The following RPS6KC1 variants were observed in gnomAD, a reference collection of about 807,000 sequenced individuals.
RPS6KC1 encodes inactive ribosomal protein S6 kinase delta-1.
RPS6KC1 carries 54 observed loss-of-function variants against 103.8 expected under a neutral mutation model. The observed-to-expected ratio is 0.52, with a 90% CI of 0.42 to 0.65. The LOEUF (loss-of-function observed/expected upper bound fraction) is 0.65. RPS6KC1 is among the 30% of genes least tolerant of loss of function. RPS6KC1 has a pLI of 0.00. For missense variants in RPS6KC1, 1,151 were observed against 1,253.8 expected (o/e 0.92, Z 1.24); for synonymous variants, 439 against 438.7 (o/e 1.00, Z -0.01).
At chr1:213,196,646 G>A (rs2092958356) in intron 8 of RPS6KC1, among the ~76,000 whole-genome samples, 1 of 152,118 alleles carries the variant, frequency 6.6e-6, no homozygotes, top group Non-Finnish European at 1.5e-5. Flanking sequence ...TGCATCTTGA[G>A]TTGACTTTTG....
chr1:213,798,997 G>A, the RPS6KC1 span, among the ~76,000 whole-genome samples: 26 of 152,276 alleles, frequency 1.7e-4, no homozygotes, highest in East Asian at 4.8e-3. Context: ...ATTCTAATCT[G>A]ACCTCAACTA....
the RPS6KC1 span, among the ~76,000 whole-genome samples, chr1:213,615,690 TG>T: frequency 6.6e-6 from 1 of 152,216 alleles, no homozygotes; most frequent in Non-Finnish European, 1.5e-5. Flanking sequence ...ACGCGCCATC[TG>T]GGGGCCTTGC....
chr1:213,776,831 A>T, the RPS6KC1 span, among the ~76,000 whole-genome samples: 1 of 152,226 alleles, frequency 6.6e-6, no homozygotes, highest in East Asian at 1.9e-4. Flanking sequence ...TAGTGTAGCC[A>T]TCTTCAACAA....
At chr1:213,333,701 C>G in the RPS6KC1 span, among the ~76,000 whole-genome samples, 8 of 152,098 alleles carry the variant, frequency 5.3e-5, no homozygotes, top group African/African-American at 1.9e-4. Context: ...CTGTGTCACC[C>G]AGGCTGGAGT....
rs762868481 is a variant in RPS6KC1 at position 213,176,386 on chromosome 1, A to G, written c.952-14A>G. On this transcript the variant is annotated splice_polypyrimidine_tract_variant and intron_variant, in intron 7 of 14. Coordinates refer to ENST00000366960, the MANE Select transcript of RPS6KC1 (RefSeq NM_012424.6). Reference sequence around the variant, plus strand: ...CTCCCTGATTGATGTATAATCTTTGATATCTTCCATTAGCCTCCAGGATCA... The same window carrying G: ...CTCCCTGATTGATGTATAATCTTTGGTATCTTCCATTAGCCTCCAGGATCA... 1.3e-6 allele frequency: 2 copies of G among 1,576,426 alleles called. No homozygotes were observed. The highest frequency in any genetic ancestry group is 2.3e-5 in the South Asian group (2 of 87,622).
At chr1:213,771,552 G>A in the RPS6KC1 span, among the ~76,000 whole-genome samples, 2 of 152,174 alleles carry the variant, frequency 1.3e-5, no homozygotes, top group Non-Finnish European at 2.9e-5. Context: ...TTTGTTCTAT[G>A]CTGGGTCCTG....
chr1:213,184,034 A>G (rs886807403), intron 8 of RPS6KC1, among the ~76,000 whole-genome samples: 1 of 152,194 alleles, frequency 6.6e-6, no homozygotes, highest in African/African-American at 2.4e-5. Context: ...ATTCATAGAA[A>G]AGTACGAATT....
At chr1:213,839,742 T>C in the RPS6KC1 span, 2 of 152,178 alleles carry the variant, frequency 1.3e-5, no homozygotes, top group Admixed American at 6.5e-5. Flanking sequence ...ACTTACTGCC[T>C]GTGTGACGTT....
intron 8 of RPS6KC1, among the ~76,000 whole-genome samples, chr1:213,229,935 A>G (rs2094050919): frequency 6.6e-6 from 1 of 152,180 alleles, no homozygotes; most frequent in Admixed American, 6.6e-5. Flanking sequence ...CTTGAATCAG[A>G]GTAATAACTG....
the RPS6KC1 span, among the ~76,000 whole-genome samples, chr1:213,445,762 G>A: frequency 1.6e-4 from 25 of 152,318 alleles, no homozygotes; most frequent in Admixed American, 1.3e-4. Context: ...ATGGGGACTG[G>A]AGCACAACAG....
At chr1:213,623,125 T>C in the RPS6KC1 span, among the ~76,000 whole-genome samples, 8 of 152,176 alleles carry the variant, frequency 5.3e-5, no homozygotes, top group African/African-American at 1.9e-4. Context: ...AGGAAGGCGA[T>C]TGCAGTTCTG....
intron 2 of RPS6KC1, among the ~76,000 whole-genome samples, chr1:213,076,523 AT>A (rs2079353981): frequency 6.6e-6 from 1 of 152,140 alleles, no homozygotes; most frequent in South Asian, 2.1e-4. Context: ...AAGTAATGGG[AT>A]TTAAAACTCA....
At chr1:213,223,671 GTA>G (rs2148805076) in intron 8 of RPS6KC1, among the ~76,000 whole-genome samples, 1 of 152,280 alleles carries the variant, frequency 6.6e-6, no homozygotes, top group East Asian at 1.9e-4. Context: ...CTATAAACAT[GTA>G]TATGCATGTG....
chr1:213,552,487 C>T, the RPS6KC1 span, among the ~76,000 whole-genome samples: 1 of 152,144 alleles, frequency 6.6e-6, no homozygotes, highest in Non-Finnish European at 1.5e-5. Flanking sequence ...TCTTCCATAT[C>T]TTATTTTCCA....
At chr1:213,078,975 G>T (rs191206954) in intron 3 of RPS6KC1, among the ~76,000 whole-genome samples, 1 of 152,018 alleles carries the variant, frequency 6.6e-6, no homozygotes, top group African/African-American at 2.4e-5. Context: ...TTATTAATAT[G>T]TATATGCCTT....
intron 8 of RPS6KC1, among the ~76,000 whole-genome samples, chr1:213,226,810 C>T (rs1262023504): frequency 6.6e-6 from 1 of 152,218 alleles, no homozygotes; most frequent in African/African-American, 2.4e-5. Flanking sequence ...TCTCTGTCAC[C>T]TGAACCACTA....
intron 6 of RPS6KC1, among the ~76,000 whole-genome samples, chr1:213,166,675 GAATAGTAATGT>G (rs764364582): frequency 4.6e-5 from 7 of 152,092 alleles, no homozygotes; most frequent in Non-Finnish European, 8.8e-5. Context: ...AGAAGAGGTG[GAATAGTAATGT>G]AAAAGGTGTG....
the RPS6KC1 span, among the ~76,000 whole-genome samples, chr1:213,802,302 T>A: frequency 6.6e-6 from 1 of 152,216 alleles, no homozygotes; most frequent in Non-Finnish European, 1.5e-5. Flanking sequence ...CCTATTTGAA[T>A]CACCTCCTAC....
At chr1:213,328,505 T>C in the RPS6KC1 span, among the ~76,000 whole-genome samples, 12 of 3,630 alleles carry the variant, frequency 3.3e-3, no homozygotes, top group Non-Finnish European at 0.012. Context: ...GCCATTATAC[T>C]ATATATATAT....
Sources: gnomAD v4.1 joint callset for allele counts (sites outside exome capture counted in the v4.1 genomes callset) on GRCh38, gnomAD v4.1.1 for gene constraint, MANE v1.5 for transcripts, NCBI Gene and HGNC (gene_info 2026-07-23, HGNC 2026-07-21) for gene names.